KPNA5: variants seen among roughly 807,000 people sequenced by gnomAD.
KPNA5 encodes importin subunit alpha-6.
Under a neutral mutation model 71.3 loss-of-function variants are expected in KPNA5, and 46 were observed. The observed-to-expected ratio is 0.65, with a 90% CI of 0.51 to 0.83. The LOEUF is 0.83. Ranked by LOEUF, KPNA5 falls within the 40% of genes least tolerant of loss-of-function variation. The probability of loss-of-function intolerance (pLI) is 0.00; values close to 1 mark genes in which losing one functional copy is unlikely to be tolerated. For missense variants in KPNA5, 547 were observed against 628.3 expected, an observed-to-expected ratio of 0.87 and a Z score of 1.38; for synonymous variants, 207 against 201.4, an observed-to-expected ratio of 1.03 and a Z score of -0.24.
At chr6:116,706,708 C>T (rs192965111) in intron 7 of KPNA5, among the ~76,000 whole-genome samples, 2 of 151,610 alleles carry the variant, frequency 1.3e-5, no homozygotes, top group Admixed American at 6.6e-5. Flanking sequence ...ATAATAATTT[C>T]CAAAAAGGGT....
chr6:116,690,266 C>G (rs1428041494), intron 2 of KPNA5, among the ~76,000 whole-genome samples: 1 of 152,170 alleles, frequency 6.6e-6, no homozygotes, highest in Admixed American at 6.5e-5. Context: ...TCTCATCTCC[C>G]TATCTACAGC....
intron 8 of KPNA5, among the ~76,000 whole-genome samples, chr6:116,721,174 G>A (rs905364704): frequency 3.3e-5 from 5 of 152,036 alleles, no homozygotes; most frequent in Non-Finnish European, 5.9e-5. Flanking sequence ...AGCAGAGATG[G>A]TAACTGCTTT....
intron 9 of KPNA5, 61 bp downstream of exon 9, chr6:116,722,350 G>A (rs1779141236): frequency 1.5e-6 from 2 of 1,293,820 alleles, no homozygotes; most frequent in East Asian, 2.6e-5. Flanking sequence ...AGCAATTCAA[G>A]TAATAGCTTT....
At chr6:116,708,003 A>G (rs1028939583) in intron 7 of KPNA5, among the ~76,000 whole-genome samples, 9 of 152,236 alleles carry the variant, frequency 5.9e-5, no homozygotes, top group Non-Finnish European at 1.3e-4. Context: ...AAGTGGAATC[A>G]TACAATATAT....
rs66651825 is a variant in KPNA5, at chr6:116,730,084, ATTT to A, written c.1432+361_1432+363del. Among the ~76,000 whole-genome samples, 31 of 124,682 alleles carry A rather than the reference ATTT, an allele frequency of 2.5e-4. No individual in the cohort carries two copies. In the South Asian group the frequency reaches 7.5e-3, roughly 30 times the overall value. 81.8% of individuals were successfully genotyped at this position (124,682 alleles called of 152,430 possible). ...TACTATATATATATAAAAATATGTAATTTTTTTTTTTTTTTTTTTTGAGACACA... is the reference window on the plus strand; with the variant it reads ...TACTATATATATATAAAAATATGTAATTTTTTTTTTTTTTTTTGAGACACA... On this transcript the variant is annotated intron_variant, in intron 13 of 13. Transcript: ENST00000368564.
intron 8 of KPNA5, among the ~76,000 whole-genome samples, chr6:116,719,951 T>A (rs1256296257): frequency 6.6e-6 from 1 of 152,244 alleles, no homozygotes; most frequent in Admixed American, 6.5e-5. Context: ...TATCTCCTAC[T>A]TTCTAGTCTA....
At position 116,725,620 on chromosome 6, in the gene KPNA5, T is replaced by C. The variant is rs1272903694; in HGVS notation, c.1000-131T>C. 2.5e-5 allele frequency: 20 copies of C among 806,916 alleles called. 1 individual carries two copies. The highest frequency in any genetic ancestry group is 3.9e-4 in the Middle Eastern group (1 of 2,586). 50.0% of individuals were successfully genotyped at this position (806,916 alleles called of 1,614,324 possible). ...CGTGTAGAAGACAGCAAGTTTTACT[T>C]TGGGAGGAATTTCTCCTTTCTTAAT... On this transcript the variant is annotated intron_variant, in intron 10 of 13. Coordinates refer to ENST00000368564, the MANE Select transcript of KPNA5 (RefSeq NM_001366306.2).
chr6:116,728,974 G>A (rs1047124793), intron 12 of KPNA5, among the ~76,000 whole-genome samples: 2 of 151,916 alleles, frequency 1.3e-5, no homozygotes, highest in Non-Finnish European at 2.9e-5. Flanking sequence ...GAATTTTTTT[G>A]TGAATATTAT....
intron 8 of KPNA5, among the ~76,000 whole-genome samples, chr6:116,716,833 T>C (rs1778906171): frequency 6.6e-6 from 1 of 152,118 alleles, no homozygotes; most frequent in Non-Finnish European, 1.5e-5. Context: ...TTGAATTTAG[T>C]ATCTAAAATG....
At chr6:116,684,491 C>G (rs1448558799) in intron 1 of KPNA5, among the ~76,000 whole-genome samples, 1 of 152,096 alleles carries the variant, frequency 6.6e-6, no homozygotes, top group African/African-American at 2.4e-5. Context: ...ATGAATAAAC[C>G]GAGTGGCCTG....
intron 1 of KPNA5, among the ~76,000 whole-genome samples, chr6:116,682,551 C>G: frequency 6.6e-6 from 1 of 152,136 alleles, no homozygotes; most frequent in East Asian, 1.9e-4. Flanking sequence ...GTTGGCACTT[C>G]CCCCGCTTTG....
intron 7 of KPNA5, among the ~76,000 whole-genome samples, chr6:116,707,762 G>T (rs1045236831): frequency 6.6e-6 from 1 of 152,170 alleles, no homozygotes; most frequent in Non-Finnish European, 1.5e-5. Flanking sequence ...TTTTTTTAGT[G>T]TAATAGAATA....
chr6:116,681,348 A>G lies in KPNA5; in HGVS notation c.4+10A>G, dbSNP rs199583614. The G allele has an allele frequency of 2.4e-4, 377 of 1,596,864 alleles. 1 individual carries two copies. The African/African-American group carries it at 4.4e-3, about 19-fold the overall frequency. ...AGTGCCACATTAATGGGTAAGTTGG[A>G]GTGAACACGGGCTAGGTTGGGGGAG... On this transcript the variant is annotated intron_variant, in intron 1 of 13. Coordinates refer to ENST00000368564, the MANE Select transcript of KPNA5 (RefSeq NM_001366306.2).
At chr6:116,725,035 A>T (rs1779243478) in intron 10 of KPNA5, among the ~76,000 whole-genome samples, 1 of 152,154 alleles carries the variant, frequency 6.6e-6, no homozygotes, top group Non-Finnish European at 1.5e-5. Context: ...ATCCTTTTAA[A>T]GGCCTATTTG....
At chr6:116,706,708 C>A (rs192965111) in intron 7 of KPNA5, among the ~76,000 whole-genome samples, 207 of 151,728 alleles carry the variant, frequency 1.4e-3, no homozygotes, top group African/African-American at 4.9e-3. Context: ...ATAATAATTT[C>A]CAAAAAGGGT....
At position 116,739,497 on chromosome 6, in the gene KPNA5, A is replaced by T. The variant is rs1779791658; in HGVS notation, c.*7174A>T. On this transcript the variant is annotated 3_prime_UTR_variant, in exon 14 of 14. Transcript: ENST00000368564. ...TTTCTTCACAGAATTGCAAAAAACT[A>T]CTTTAAAGTTCATATGGAACCAAAA... 1 of 152,204 alleles carries T rather than the reference A, an allele frequency of 6.6e-6. No individual in the cohort carries two copies. Among genetic ancestry groups the T allele is most frequent in the Non-Finnish European group, 1.5e-5 (1 of 68,040 alleles). 9.4% of individuals were successfully genotyped at this position (152,204 alleles called of 1,614,324 possible).
In KPNA5 at chr6:116,740,416, C is replaced by G. The variant is rs1231940324; in HGVS notation, c.*8093C>G. 1 of 152,202 alleles carries G rather than the reference C, an allele frequency of 6.6e-6. No individual in the cohort carries two copies. The highest frequency in any genetic ancestry group is 1.5e-5 in the Non-Finnish European group (1 of 68,050). 9.4% of individuals were successfully genotyped at this position (152,202 alleles called of 1,614,324 possible). A position where few individuals can be genotyped will look rare whatever the true frequency, so the allele number is the denominator to read the frequency against. On this transcript the variant is annotated 3_prime_UTR_variant, in exon 14 of 14. Coordinates refer to ENST00000368564, the MANE Select transcript of KPNA5 (RefSeq NM_001366306.2). ...TGGTGGGACTGTAAACTAGTTCAAG[C>G]ATTGTGGAAGTCAGTTTGGCGATTC...
At position 116,702,092 on chromosome 6, in the gene KPNA5, G is replaced by A. The variant is rs1184274649; in HGVS notation, c.509G>A (p.Gly170Glu). 1 of 1,613,806 alleles carries A rather than the reference G, an allele frequency of 6.2e-7. No individual in the cohort carries two copies. The highest frequency in any genetic ancestry group is 8.5e-7 in the Non-Finnish European group (1 of 1,179,890). Residue 170 changes from glycine (G) to glutamate (E), a missense_variant, in exon 6 of 14, where the codon GGG (glycine) becomes GAG (glutamate). Gly to Glu is a moderately conservative substitution (Grantham distance 98, BLOSUM62 -2). Transcript: ENST00000368564. ...CATACCAAGGTAGTGATTGAAACTG[G>A]GGCTGTTCCGATTTTTATCAAACTT... ...FLHTKVVIET[G>E]AVPIFIKLLN... is the part of the protein sequence containing the mutation.
chr6:116,718,522 C>A (rs1432244130), intron 8 of KPNA5, among the ~76,000 whole-genome samples: 3 of 152,120 alleles, frequency 2.0e-5, no homozygotes, highest in Admixed American at 2.0e-4. Context: ...CTCGGCCTCC[C>A]AAAGTGCTGG....
Sources: allele counts gnomAD v4.1 joint callset (sites outside exome capture counted in the v4.1 genomes callset), GRCh38; gene constraint gnomAD v4.1.1; transcripts MANE v1.5; gene names NCBI Gene and HGNC (gene_info 2026-07-23, HGNC 2026-07-21).